The following ZNF385D variants were observed in gnomAD, a reference collection of about 807,000 sequenced individuals.
ZNF385D encodes the protein zinc finger protein 659.
ZNF385D carries 15 observed loss-of-function variants against 35.8 expected under a neutral mutation model. The ratio of observed to expected loss-of-function variants is 0.42; its 90% CI spans 0.28 to 0.64. ZNF385D has a LOEUF of 0.64. Ranked by LOEUF, ZNF385D falls within the 30% of genes least tolerant of loss-of-function variation. The pLI is 0.23. For synonymous variants in ZNF385D, 212 were observed against 186.8 expected (o/e 1.13, Z -1.10); for missense variants, 474 against 494.6 (o/e 0.96, Z 0.39).
At chr3:21,765,324 T>C (rs1362623894) in intron 3 of ZNF385D, among the ~76,000 whole-genome samples, 1 of 151,850 alleles carries the variant, frequency 6.6e-6, no homozygotes, top group Non-Finnish European at 1.5e-5. Flanking sequence ...AAAATATAGG[T>C]AACTTTGATG....
intron 3 of ZNF385D, among the ~76,000 whole-genome samples, chr3:21,822,407 T>C (rs927927579): frequency 3.3e-5 from 5 of 152,130 alleles, no homozygotes; most frequent in Non-Finnish European, 5.9e-5. Flanking sequence ...AGAAAACTTT[T>C]CAAAAATTAA....
At chr3:21,862,678 T>A (rs1697122544) in intron 3 of ZNF385D, among the ~76,000 whole-genome samples, 1 of 152,126 alleles carries the variant, frequency 6.6e-6, no homozygotes, top group South Asian at 2.1e-4. Flanking sequence ...GAGGCCATCA[T>A]CCTGCAGCCC....
At chr3:22,025,799 A>G (rs1697505012) in intron 3 of ZNF385D, among the ~76,000 whole-genome samples, 1 of 152,092 alleles carries the variant, frequency 6.6e-6, no homozygotes, top group African/African-American at 2.4e-5. Context: ...CACAAGATAT[A>G]CCCTGGACCA....
At chr3:22,089,378 A>G (rs1331355924) in intron 3 of ZNF385D, among the ~76,000 whole-genome samples, 7 of 152,222 alleles carry the variant, frequency 4.6e-5, no homozygotes, top group Non-Finnish European at 1.0e-4. Context: ...GTTGGTAGAT[A>G]TTAAGCTTTG....
intron 3 of ZNF385D, among the ~76,000 whole-genome samples, chr3:22,072,034 A>G (rs1202422203): frequency 6.6e-6 from 1 of 152,128 alleles, no homozygotes; most frequent in Admixed American, 6.6e-5. Flanking sequence ...AATAATTTAT[A>G]CCTGTAATAC....
intron 5 of ZNF385D, among the ~76,000 whole-genome samples, chr3:21,431,688 T>C (rs1290277141): frequency 1.3e-5 from 2 of 152,126 alleles, no homozygotes; most frequent in Non-Finnish European, 2.9e-5. Flanking sequence ...GTAGAAAGTT[T>C]AAAGAAGTTA....
chr3:21,619,372 G>T (rs1319318112), intron 2 of ZNF385D, among the ~76,000 whole-genome samples: 3 of 151,958 alleles, frequency 2.0e-5, no homozygotes, highest in African/African-American at 7.3e-5. Flanking sequence ...CAGAAGACTT[G>T]AAATGTAAAC....
rs1220528401 is a variant in ZNF385D at position 21,987,528 on chromosome 3, C to T, written c.325+181289G>A. Among the ~76,000 whole-genome samples the T allele has an allele frequency of 5.6e-3, 726 of 128,656 alleles. 5 individuals carry two copies. Among genetic ancestry groups the T allele is most frequent in the Middle Eastern group, 0.011 (3 of 272 alleles). 84.4% of individuals were successfully genotyped at this position (128,656 alleles called of 152,430 possible). On this transcript the variant is annotated intron_variant, in intron 3 of 5. Coordinates refer to the ZNF385D transcript ENST00000494108. ...CTCTTCTGGCTTGTAGGGTTTCTGC[C>T]GAGAGATCCACTGTTAGTCTGATGG...
At chr3:22,159,602 G>A (rs891841097) in intron 3 of ZNF385D, among the ~76,000 whole-genome samples, 1 of 152,086 alleles carries the variant, frequency 6.6e-6, no homozygotes, top group South Asian at 2.1e-4. Context: ...AATAGCCAGT[G>A]GCTGGAACTT....
intron 2 of ZNF385D, among the ~76,000 whole-genome samples, chr3:21,642,835 C>G (rs1239924189): frequency 6.6e-6 from 1 of 151,968 alleles, no homozygotes; most frequent in Non-Finnish European, 1.5e-5. Flanking sequence ...CTAAGTAAAC[C>G]AGACACAAAA....
At chr3:21,910,847 T>G (rs1699926344) in intron 3 of ZNF385D, among the ~76,000 whole-genome samples, 1 of 151,806 alleles carries the variant, frequency 6.6e-6, no homozygotes, top group African/African-American at 2.4e-5. Context: ...AATTTCAAAA[T>G]GTAGAGTACT....
intron 4 of ZNF385D, among the ~76,000 whole-genome samples, chr3:21,494,267 G>T (rs1397739909): frequency 1.3e-5 from 2 of 152,104 alleles, no homozygotes; most frequent in African/African-American, 4.8e-5. Context: ...CTCCCATGCA[G>T]GTGAAAACCA....
rs550871682 is a variant in ZNF385D at position 22,203,351 on chromosome 3, A to C, written c.107-34316T>G. Among the ~76,000 whole-genome samples the C allele has an allele frequency of 3.9e-5, 6 of 152,240 alleles. No individual in the cohort carries two copies. The South Asian group carries it at 1.2e-3, about 32-fold the overall frequency. On this transcript the variant is annotated intron_variant, in intron 2 of 5. Coordinates refer to the ZNF385D transcript ENST00000494108. ...TCCTAGCAGGATTTATCGCCTGCTG[A>C]TTAAAGAGTCCCTGAGTCTTGAATT...
upstream of ZNF385D, among the ~76,000 whole-genome samples, chr3:21,752,003 A>ACCCCCCCCCCCCCCCC (rs1400472266): frequency 2.2e-5 from 1 of 45,820 alleles, no homozygotes; most frequent in Admixed American, 2.4e-4. Context: ...ACACACACAC[A>ACCCCCCCCCCCCCCCC]CCCACCCCCC....
chr3:21,861,484 A>T (rs901807573), intron 3 of ZNF385D, among the ~76,000 whole-genome samples: 1 of 152,124 alleles, frequency 6.6e-6, no homozygotes, highest in Non-Finnish European at 1.5e-5. Context: ...GCAAATTTAG[A>T]TAAATACAAT....
intron 3 of ZNF385D, among the ~76,000 whole-genome samples, chr3:22,050,872 A>ACAGATACCTAGAGAG (rs1369187729): frequency 3.1e-5 from 3 of 96,548 alleles, no homozygotes; most frequent in Admixed American, 1.1e-4. Context: ...TCAATGTGTT[A>ACAGATACCTAGAGAG]TAATTTCTGT....
chr3:22,319,033 C>T (rs1704053207), intron 2 of ZNF385D, among the ~76,000 whole-genome samples: 1 of 152,088 alleles, frequency 6.6e-6, no homozygotes, highest in South Asian at 2.1e-4. Flanking sequence ...GCAGGGCAGG[C>T]TTTTATAAAT....
intron 1 of ZNF385D, among the ~76,000 whole-genome samples, chr3:21,711,580 T>G (rs1450989622): frequency 6.6e-6 from 1 of 152,206 alleles, no homozygotes; most frequent in Non-Finnish European, 1.5e-5. Flanking sequence ...TGCAGTCTGT[T>G]GCTATCTTAT....
intron 4 of ZNF385D, among the ~76,000 whole-genome samples, chr3:21,468,310 G>A (rs1432750945): frequency 6.8e-6 from 1 of 147,492 alleles, no homozygotes; most frequent in African/African-American, 2.5e-5. Flanking sequence ...GCTGAGGCAG[G>A]AGAATCACTT....
Sources: allele counts gnomAD v4.1 joint callset (sites outside exome capture counted in the v4.1 genomes callset), GRCh38; gene constraint gnomAD v4.1.1; transcripts MANE v1.5; gene names NCBI Gene and HGNC (gene_info 2026-07-23, HGNC 2026-07-21).